Variants in F11 observed in about 807,000 individuals in gnomAD.
F11 encodes the protein coagualtion factor XI.
A neutral mutation model predicts 76.5 loss-of-function variants in F11; 78 were observed. The ratio of observed to expected loss-of-function variants is 1.02; its 90% CI spans 0.85 to 1.23. The LOEUF (loss-of-function observed/expected upper bound fraction) is 1.23. Among genes scored for constraint, F11 ranks in the 50% most tolerant of loss-of-function variants. The pLI, the probability that F11 is intolerant of heterozygous loss-of-function variation, is 0.00. For synonymous variants in F11, 278 were observed against 276.3 expected, an observed-to-expected ratio of 1.01 and a Z score of -0.06; for missense variants, 742 against 771.4, an observed-to-expected ratio of 0.96 and a Z score of 0.45.
Position 186,289,630 on chromosome 4 carries a change from T to A in F11, c.*1016T>A, listed in dbSNP as rs1039341270. ...GTTCAATAACCTAGAATTTGAATTGTCACCACATAGCTTTCAATCTGTGCC... is the reference window on the plus strand; with the variant it reads ...GTTCAATAACCTAGAATTTGAATTGACACCACATAGCTTTCAATCTGTGCC... On this transcript the variant is annotated 3_prime_UTR_variant, in exon 15 of 15. Coordinates refer to ENST00000403665, the MANE Select transcript of F11 (RefSeq NM_000128.4). Among the ~76,000 whole-genome samples the A allele has an allele frequency of 6.6e-6, 1 of 152,192 alleles. No homozygotes were observed. The highest frequency in any genetic ancestry group is 6.5e-5 in the Admixed American group (1 of 15,274).
chr4:186,288,378 CCTGAG>C, intron 14 of F11, 70 bp from the exon 15 acceptor site: 1 of 1,596,772 alleles, frequency 6.3e-7, no homozygotes, highest in Non-Finnish European at 8.6e-7. Context: ...GCAAAATCAG[CCTGAG>C]CAAGATGTGC....
Position 186,286,499 on chromosome 4 carries a change from GA to G in F11, c.1569del (p.Lys523AsnfsTer2). 1 of 1,613,788 alleles carries G rather than the reference GA, an allele frequency of 6.2e-7. No individual in the cohort carries two copies. The highest frequency in any genetic ancestry group is 8.5e-7 in the Non-Finnish European group (1 of 1,179,802). On this transcript the variant is annotated frameshift_variant, in exon 13 of 15. Transcript: ENST00000403665. LOFTEE classifies it high-confidence loss of function. ...TGCTGGGTGACTGGATGGGGGTACA[GA>G]AAACTAAGAGGTAAAAATGATGTTG... ...TDCWVTGWGY[R>X]KLRDKIQNTL...
rs1382512896 is a variant in F11, at chr4:186,289,149, T to C, written c.*535T>C. ...TAGTCAGGAATTCTTGTCATTTCCATTTTAAAATATATATTAAAAAAAATC... is the reference window on the plus strand; with the variant it reads ...TAGTCAGGAATTCTTGTCATTTCCACTTTAAAATATATATTAAAAAAAATC... On this transcript the variant is annotated 3_prime_UTR_variant, in exon 15 of 15. Transcript: ENST00000403665. 1.3e-5 allele frequency: 2 copies of C among 159,496 alleles called. No individual in the cohort carries two copies. 9.9% of individuals were successfully genotyped at this position (159,496 alleles called of 1,614,324 possible). A position where few individuals can be genotyped will look rare whatever the true frequency, so the allele number is the denominator to read the frequency against.
chr4:186,282,940 C>T (rs1317873900), intron 10 of F11: 1 of 985,404 alleles, frequency 1.0e-6, no homozygotes, highest in African/African-American at 1.7e-5. Context: ...TTTACACCCA[C>T]AAAACTAGTG....
rs1477849584 is a variant in F11, at chr4:186,271,739, G to A, written c.186G>A (p.Thr62=). The part of the protein sequence containing the change: ...YHPRCLLFTF[T]AESPSEDPTR... ...CAAGATGTTTACTCTTCACTTTCAC[G>A]GCGGAATCACCATCTGAGGATCCCA... Residue 62 remains threonine, a synonymous_variant, in exon 3 of 15, where the codon ACG becomes ACA. Coordinates refer to ENST00000403665, the MANE Select transcript of F11 (RefSeq NM_000128.4). 44 of 1,613,958 alleles carry A rather than the reference G, an allele frequency of 2.7e-5. No individual in the cohort carries two copies. Among genetic ancestry groups the A allele is most frequent in the East Asian group, 1.1e-4 (5 of 44,890 alleles).
intron 13 of F11, among the ~76,000 whole-genome samples, chr4:186,287,005 G>C (rs750784066): frequency 2.6e-5 from 4 of 151,830 alleles, no homozygotes; most frequent in Admixed American, 1.3e-4. Context: ...ATGGACTCTC[G>C]CTCTGTCGCC....
intron 7 of F11, among the ~76,000 whole-genome samples, chr4:186,279,596 T>C (rs949068675): frequency 3.9e-5 from 6 of 152,174 alleles, no homozygotes; most frequent in Admixed American, 3.3e-4. Context: ...TCCAGGAAGA[T>C]GCTTCCAGGG....
chr4:186,269,402 A>G (rs1185473866), intron 2 of F11, among the ~76,000 whole-genome samples: 2 of 152,210 alleles, frequency 1.3e-5, no homozygotes, highest in East Asian at 3.8e-4. Context: ...ATACAAAGGA[A>G]TATTACTCAA....
At chr4:186,276,962 G>A (rs1740436377) in intron 7 of F11, among the ~76,000 whole-genome samples, 1 of 152,018 alleles carries the variant, frequency 6.6e-6, no homozygotes, top group South Asian at 2.1e-4. Context: ...TGTGTTACAT[G>A]GATATACTGT....
downstream of F11, among the ~76,000 whole-genome samples, chr4:186,289,987 A>G (rs1349996423): frequency 6.6e-6 from 1 of 152,144 alleles, no homozygotes; most frequent in East Asian, 1.9e-4. Context: ...GGCCATGGAA[A>G]ATATTTATTG....
intron 1 of F11, among the ~76,000 whole-genome samples, chr4:186,266,746 A>G (rs1561476198): frequency 6.6e-6 from 1 of 152,162 alleles, no homozygotes; most frequent in Non-Finnish European, 1.5e-5. Context: ...ATATAGGGAG[A>G]GGCCTCAAGG....
At chr4:186,283,656 C>A (rs779503628) in intron 10 of F11, among the ~76,000 whole-genome samples, 8 of 152,194 alleles carry the variant, frequency 5.3e-5, no homozygotes, top group African/African-American at 1.9e-4. Context: ...AGTTCTCAAA[C>A]GCCAGCAGGG....
Position 186,284,271 on chromosome 4 carries a change from C to T in F11, c.1304+11C>T, listed in dbSNP as rs750960382. ...TCACTGTTTCTATGGGTCAGTACCACGGCTGTTTTTATTAGTTCATCTTCT... is the reference window on the plus strand; with the variant it reads ...TCACTGTTTCTATGGGTCAGTACCATGGCTGTTTTTATTAGTTCATCTTCT... On this transcript the variant is annotated intron_variant, in intron 11 of 14. Transcript: ENST00000403665. 1.7e-5 allele frequency: 28 copies of T among 1,605,344 alleles called. No individual in the cohort carries two copies. Among genetic ancestry groups the T allele is most frequent in the Admixed American group, 5.0e-5 (3 of 59,636 alleles).
intron 13 of F11, among the ~76,000 whole-genome samples, chr4:186,287,005 G>A (rs750784066): frequency 7.9e-5 from 12 of 151,830 alleles, no homozygotes; most frequent in Admixed American, 7.9e-4. Flanking sequence ...ATGGACTCTC[G>A]CTCTGTCGCC....
At chr4:186,289,828 A>C (rs1285931588), downstream of F11, among the ~76,000 whole-genome samples, 9 of 151,960 alleles carry the variant, frequency 5.9e-5, no homozygotes, top group Admixed American at 2.6e-4. Context: ...GATTACAGGC[A>C]CATGCCACCA....
intron 2 of F11, among the ~76,000 whole-genome samples, chr4:186,270,371 G>GT (rs1429423867): frequency 6.6e-6 from 1 of 152,118 alleles, no homozygotes; most frequent in Non-Finnish European, 1.5e-5. Context: ...CGTGTGCAGA[G>GT]TTTTTTTCCA....
chr4:186,279,659 T>G (rs1360006926), intron 7 of F11, among the ~76,000 whole-genome samples: 1 of 152,258 alleles, frequency 6.6e-6, no homozygotes, highest in Admixed American at 6.5e-5. Flanking sequence ...ATTGCAACCC[T>G]GGATAGGAGG....
chr4:186,279,978 T>C (rs1248724127), intron 7 of F11, 34 bp from the exon 8 acceptor site: 1 of 1,485,266 alleles, frequency 6.7e-7, no homozygotes, highest in African/African-American at 1.4e-5. Flanking sequence ...GTGTTTGATA[T>C]GATATATTTC....
chr4:186,286,549 T>C (rs769022094), intron 13 of F11, 39 bp downstream of exon 13: 1 of 1,610,618 alleles, frequency 6.2e-7, no homozygotes, highest in Non-Finnish European at 8.5e-7. Flanking sequence ...ATCCTAGAAA[T>C]GAAGAGCGGA....
Sources: allele counts gnomAD v4.1 joint callset (sites outside exome capture counted in the v4.1 genomes callset), GRCh38; gene constraint gnomAD v4.1.1; transcripts MANE v1.5; gene names NCBI Gene and HGNC (gene_info 2026-07-23, HGNC 2026-07-21).